HACE1: variants seen among roughly 807,000 people sequenced by gnomAD.
HACE1 encodes HECT domain and ankyrin repeat containing E3 ubiquitin protein ligase 1.
A neutral mutation model predicts 118.4 loss-of-function variants in HACE1; 73 were observed. That is an observed-to-expected ratio of 0.62 (90% confidence interval 0.51 to 0.75). HACE1 has a LOEUF of 0.75. Ranked by LOEUF, HACE1 falls within the 30% of genes least tolerant of loss-of-function variation. The pLI is 0.00. For missense variants in HACE1, 749 were observed against 1,102.2 expected (o/e 0.68, Z 4.54); for synonymous variants, 368 against 374.8 (o/e 0.98, Z 0.21).
intron 6 of HACE1, among the ~76,000 whole-genome samples, chr6:104,822,155 TCAGGAGATCAAGAC>T (rs1772797170): frequency 8.3e-6 from 1 of 120,350 alleles, no homozygotes; most frequent in Non-Finnish European, 1.7e-5. Flanking sequence ...GATCACAAGG[TCAGGAGATCAAGAC>T]CAGGAGATCA....
rs1769710844 is a variant in HACE1 at position 104,796,929 on chromosome 6, C to G, written c.714G>C (p.Gln238His). 9 of 1,504,676 alleles carry G rather than the reference C, an allele frequency of 6.0e-6. No individual in the cohort carries two copies. Among genetic ancestry groups the G allele is most frequent in the Non-Finnish European group, 7.4e-6 (8 of 1,080,350 alleles). 93.2% of individuals were successfully genotyped at this position (1,504,676 alleles called of 1,614,324 possible). Reference protein sequence around the residue: ...NGVTPLDLCVQGGYGETCEVL... With the variant: ...NGVTPLDLCVHGGYGETCEVL... ...CTCAGAATATAAATGAAAAACACAC[C>G]TGTACACATAAATCCAGAGGAGTTA... Residue 238 changes from glutamine to histidine, a missense_variant and splice_region_variant, in exon 8 of 24, where the codon CAG becomes CAC. By Grantham distance (24) the Gln-to-His change is conservative. Transcript: ENST00000262903.
chr6:104,836,930 T>C (rs927708656), intron 5 of HACE1, among the ~76,000 whole-genome samples: 2 of 152,176 alleles, frequency 1.3e-5, no homozygotes, highest in Non-Finnish European at 2.9e-5. Flanking sequence ...GAAACAGTTA[T>C]ATGCTTACCA....
intron 1 of HACE1, among the ~76,000 whole-genome samples, chr6:104,854,575 A>G (rs1776538955): frequency 6.6e-6 from 1 of 151,874 alleles, no homozygotes; most frequent in African/African-American, 2.4e-5. Flanking sequence ...ACCATACGTA[A>G]TATGTAGTCC....
chr6:104,746,741 G>A (rs981075496), intron 20 of HACE1, among the ~76,000 whole-genome samples: 1 of 152,054 alleles, frequency 6.6e-6, no homozygotes, highest in Non-Finnish European at 1.5e-5. Flanking sequence ...TTAAAGTTTC[G>A]ATATTTGAAC....
At chr6:104,739,519 A>G (rs1458716864) in intron 22 of HACE1, among the ~76,000 whole-genome samples, 1 of 152,062 alleles carries the variant, frequency 6.6e-6, no homozygotes, top group Admixed American at 6.5e-5. Context: ...TTGCAATCCT[A>G]GTCTCTGATA....
chr6:104,776,605 C>T, intron 17 of HACE1, 136 bp downstream of exon 17: 2 of 684,672 alleles, frequency 2.9e-6, no homozygotes, highest in Non-Finnish European at 5.3e-6. Flanking sequence ...CTCTGAATTT[C>T]AGTTTTCTCA....
intron 10 of HACE1, among the ~76,000 whole-genome samples, chr6:104,793,605 T>A (rs1783303555): frequency 6.6e-6 from 1 of 152,200 alleles, no homozygotes; most frequent in African/African-American, 2.4e-5. Context: ...CTAATTAACA[T>A]ATATTTGAAT....
chr6:104,795,702 TAA>T lies in HACE1; in HGVS notation c.817-19_817-18del, dbSNP rs758360393. ...TTGCCGTAACTAAATTTTTTACAAA[TAA>T]AAAAATGTGATTACATAGTAATCCA... On this transcript the variant is annotated intron_variant, in intron 9 of 23. Transcript: ENST00000262903. 1 of 1,454,328 alleles carries T rather than the reference TAA, an allele frequency of 6.9e-7. No homozygotes were observed. The highest frequency in any genetic ancestry group is 1.1e-5 in the South Asian group (1 of 87,706). 90.1% of individuals were successfully genotyped at this position (1,454,328 alleles called of 1,614,324 possible).
At chr6:104,791,368 G>A in intron 11 of HACE1, 136 bp downstream of exon 11, 1 of 747,214 alleles carries the variant, frequency 1.3e-6, no homozygotes, top group East Asian at 2.5e-5. Flanking sequence ...AGAAAGGTGT[G>A]CCTAATTTTG....
At chr6:104,850,094 C>T (rs202100727) in intron 3 of HACE1, among the ~76,000 whole-genome samples, 4 of 151,956 alleles carry the variant, frequency 2.6e-5, no homozygotes, top group Middle Eastern at 3.4e-3. Context: ...GGATTACAGG[C>T]GCACGCCATC....
Position 104,795,631 on chromosome 6 carries a change from T to A in HACE1, c.871A>T (p.Ile291Phe), listed in dbSNP as rs2114866386. The A allele has an allele frequency of 5.6e-6, 9 of 1,613,456 alleles. No homozygotes were observed. The highest frequency in any genetic ancestry group is 7.6e-6 in the Non-Finnish European group (9 of 1,179,464). ...GCAACTTCAGCAAGGCTTGTTAGAA[T>A]CTTTAGGTACTGGCTTTCACTTTGC... ...SQQSESQYLK[I>F]LTSLAEVATT... The change falls in exon 10 of 24, where the codon ATT becomes TTT. Residue 291 changes from isoleucine (I) to phenylalanine (F), a missense_variant. Transcript: ENST00000262903.
chr6:104,753,938 G>C (rs1388169873), intron 19 of HACE1, among the ~76,000 whole-genome samples: 1 of 152,148 alleles, frequency 6.6e-6, no homozygotes, highest in Non-Finnish European at 1.5e-5. Context: ...TCTTCAGAAG[G>C]TGGGTAATAA....
intron 2 of HACE1, 85 bp downstream of exon 2, chr6:104,852,232 C>CGT (rs761840774): frequency 1.3e-5 from 7 of 539,600 alleles, no homozygotes; most frequent in Admixed American, 1.0e-4. Flanking sequence ...TGTGTGTGCG[C>CGT]GCGTGCGCGT....
chr6:104,808,473 G>A (rs1364914876), intron 7 of HACE1, among the ~76,000 whole-genome samples: 1 of 152,146 alleles, frequency 6.6e-6, no homozygotes, highest in Non-Finnish European at 1.5e-5. Flanking sequence ...GACTAATGTT[G>A]TATAGCTCTG....
chr6:104,824,432 A>C (rs1773098992), intron 6 of HACE1, among the ~76,000 whole-genome samples: 1 of 152,212 alleles, frequency 6.6e-6, no homozygotes, highest in Non-Finnish European at 1.5e-5. Flanking sequence ...GCTACAAGAT[A>C]ATCAATGTTT....
Position 104,729,333 on chromosome 6 carries a change from T to A in HACE1, c.*329A>T, listed in dbSNP as rs1182349901. On this transcript the variant is annotated 3_prime_UTR_variant, in exon 24 of 24. Coordinates refer to ENST00000262903, the MANE Select transcript of HACE1 (RefSeq NM_020771.4). ...GAAAACACCCTTTTAACAAGACAGT[T>A]ACATAGCAGAGGTGGAATGTAGAAT... is the stretch of plus-strand genomic sequence containing the variant. The A allele has an allele frequency of 6.9e-6, 2 of 289,768 alleles. No homozygotes were observed. The highest frequency in any genetic ancestry group is 1.3e-5 in the Non-Finnish European group (2 of 151,616). 17.9% of individuals were successfully genotyped at this position (289,768 alleles called of 1,614,324 possible).
At chr6:104,730,215 C>A in intron 23 of HACE1, 88 bp downstream of exon 23, 1 of 760,218 alleles carries the variant, frequency 1.3e-6, no homozygotes, top group Non-Finnish European at 2.4e-6. Context: ...TGAGGTTTTC[C>A]TCCCAATGCA....
At chr6:104,830,729 T>C (rs1773771577) in intron 6 of HACE1, among the ~76,000 whole-genome samples, 1 of 151,796 alleles carries the variant, frequency 6.6e-6, no homozygotes, top group Non-Finnish European at 1.5e-5. Flanking sequence ...GTTGTTGTTA[T>C]TATGGTCAGC....
At chr6:104,830,115 G>A (rs533915332) in intron 6 of HACE1, among the ~76,000 whole-genome samples, 2 of 152,214 alleles carry the variant, frequency 1.3e-5, no homozygotes, top group Non-Finnish European at 2.9e-5. Flanking sequence ...AACAGGTAGG[G>A]TGTGCAAGTC....
Sources: gnomAD v4.1 joint callset for allele counts (sites outside exome capture counted in the v4.1 genomes callset) on GRCh38, gnomAD v4.1.1 for gene constraint, MANE v1.5 for transcripts, NCBI Gene and HGNC (gene_info 2026-07-23, HGNC 2026-07-21) for gene names.